Variants in ROBO2 observed in about 807,000 individuals in gnomAD.
ROBO2 encodes the protein roundabout homolog 2.
In ROBO2, 53 loss-of-function variants were observed where a neutral mutation model predicts 160.8. The ratio of observed to expected loss-of-function variants is 0.33; its 90% CI spans 0.26 to 0.41. ROBO2 has a LOEUF of 0.41. Among genes scored for constraint, ROBO2 ranks in the 10% least tolerant of loss-of-function variants. The pLI, the probability that ROBO2 is intolerant of heterozygous loss-of-function variation, is 1.00. For missense variants in ROBO2, 1,577 were observed against 1,722.4 expected (o/e 0.92, Z 1.49); for synonymous variants, 664 against 611.7 (o/e 1.09, Z -1.26).
intron 2 of ROBO2, among the ~76,000 whole-genome samples, chr3:77,211,475 C>A (rs2084147406): frequency 6.6e-6 from 1 of 152,150 alleles, no homozygotes; most frequent in Admixed American, 6.6e-5. Context: ...ATTGTAGATT[C>A]TGGATATTAG....
intron 5 of ROBO2, among the ~76,000 whole-genome samples, chr3:77,510,523 C>T (rs1425453126): frequency 6.6e-6 from 1 of 151,956 alleles, no homozygotes; most frequent in Non-Finnish European, 1.5e-5. Flanking sequence ...AATAATATCA[C>T]TGGAGGAGGT....
chr3:77,183,560 C>A (rs2150871531), intron 2 of ROBO2, among the ~76,000 whole-genome samples: 1 of 152,066 alleles, frequency 6.6e-6, no homozygotes, highest in Non-Finnish European at 1.5e-5. Context: ...GGGCAGAGGC[C>A]TTAGAAAGAA....
intron 2 of ROBO2, among the ~76,000 whole-genome samples, chr3:76,933,350 G>C (rs1290304097): frequency 6.6e-6 from 1 of 152,050 alleles, no homozygotes; most frequent in African/African-American, 2.4e-5. Context: ...AATTACTTCA[G>C]CAAATTTTTA....
chr3:75,913,242 C>T (rs1460187305), intron 1 of ROBO2, among the ~76,000 whole-genome samples: 2 of 152,184 alleles, frequency 1.3e-5, no homozygotes, highest in Non-Finnish European at 2.9e-5. Flanking sequence ...CATCTAAGGA[C>T]TCCTGTGATT....
chr3:77,068,774 G>T (rs4629376), intron 1 of ROBO2, among the ~76,000 whole-genome samples: 1 of 151,984 alleles, frequency 6.6e-6, no homozygotes, highest in African/African-American at 2.4e-5. Context: ...GCCCACTTCC[G>T]CAGGCTAGTA....
intron 2 of ROBO2, chr3:77,317,449 CT>C: frequency 6.6e-7 from 1 of 1,518,918 alleles, no homozygotes. Flanking sequence ...CTGCCCGTCA[CT>C]TTGGTGGTCT....
intron 2 of ROBO2, among the ~76,000 whole-genome samples, chr3:76,969,621 G>C (rs1258114450): frequency 6.6e-6 from 1 of 152,088 alleles, no homozygotes; most frequent in Non-Finnish European, 1.5e-5. Context: ...CCACATGCTG[G>C]TTTTCTCTCT....
rs574161070 is a variant in ROBO2, at chr3:76,736,956, A to C, written c.110-361058A>C. Among the ~76,000 whole-genome samples the C allele has an allele frequency of 9.8e-4, 149 of 152,328 alleles. 1 individual carries two copies. The South Asian group carries it at 0.015, about 16-fold the overall frequency. ...AATGATAATATTTCATTGTTACAGC[A>C]TACTCTATCCTGCTTTTATGTGCAT... On this transcript the variant is annotated intron_variant, in intron 2 of 26. Transcript: ENST00000487694.
intron 2 of ROBO2, among the ~76,000 whole-genome samples, chr3:77,157,582 C>T (rs970034566): frequency 3.3e-5 from 5 of 152,038 alleles, no homozygotes; most frequent in African/African-American, 1.2e-4. Flanking sequence ...CTGTTGGAGT[C>T]CATGGGGTGA....
chr3:76,946,583 G>A (rs1273531857), intron 2 of ROBO2, among the ~76,000 whole-genome samples: 2 of 151,924 alleles, frequency 1.3e-5, no homozygotes, highest in Non-Finnish European at 2.9e-5. Context: ...GATTACAGGC[G>A]CCCACCACGG....
intron 2 of ROBO2, among the ~76,000 whole-genome samples, chr3:77,033,085 G>T (rs569691038): frequency 5.9e-5 from 9 of 152,302 alleles, no homozygotes; most frequent in Non-Finnish European, 1.0e-4. Context: ...ACTACCTTGT[G>T]AGTAGGCACT....
At chr3:76,498,102 T>C (rs1445421825) in intron 2 of ROBO2, among the ~76,000 whole-genome samples, 2 of 152,238 alleles carry the variant, frequency 1.3e-5, no homozygotes, top group Non-Finnish European at 2.9e-5. Flanking sequence ...ATGTTCAGTG[T>C]TGTAATTCTA....
intron 2 of ROBO2, among the ~76,000 whole-genome samples, chr3:77,383,972 C>T (rs2073832967): frequency 6.6e-6 from 1 of 152,082 alleles, no homozygotes; most frequent in Non-Finnish European, 1.5e-5. Flanking sequence ...TAAATGAGTT[C>T]TATCAAACAT....
At chr3:77,359,241 G>A (rs1055715736) in intron 2 of ROBO2, among the ~76,000 whole-genome samples, 1 of 152,206 alleles carries the variant, frequency 6.6e-6, no homozygotes, top group African/African-American at 2.4e-5. Flanking sequence ...AATCTGCCTA[G>A]GCAGGCAGGG....
chr3:77,166,065 C>T (rs982056242), intron 2 of ROBO2, among the ~76,000 whole-genome samples: 1 of 151,928 alleles, frequency 6.6e-6, no homozygotes, highest in African/African-American at 2.4e-5. Flanking sequence ...TATCTCCAGC[C>T]GGATCAACAT....
chr3:77,437,753 A>C (rs2079449961), intron 2 of ROBO2, among the ~76,000 whole-genome samples: 1 of 151,912 alleles, frequency 6.6e-6, no homozygotes, highest in South Asian at 2.1e-4. Context: ...TTACCTACTT[A>C]CTCAAAACTC....
intron 2 of ROBO2, among the ~76,000 whole-genome samples, chr3:76,020,954 A>G (rs1045752000): frequency 3.9e-5 from 6 of 151,998 alleles, no homozygotes; most frequent in South Asian, 2.1e-4. Context: ...AATAATTCCT[A>G]TATACCTTGC....
At chr3:77,632,643 C>T (rs1276916985) in intron 23 of ROBO2, 17 of 1,534,782 alleles carry the variant, frequency 1.1e-5, no homozygotes, top group Non-Finnish European at 1.5e-5. Context: ...ATGGAACCAG[C>T]CTTACAAGAA....
chr3:76,830,704 C>T (rs534262317), intron 2 of ROBO2, among the ~76,000 whole-genome samples: 4 of 150,834 alleles, frequency 2.7e-5, no homozygotes, highest in South Asian at 2.1e-4. Context: ...GGGCTGGGCA[C>T]GGTGGCTCAC....
Sources: allele counts gnomAD v4.1 joint callset (sites outside exome capture counted in the v4.1 genomes callset), GRCh38; gene constraint gnomAD v4.1.1; transcripts MANE v1.5; gene names NCBI Gene and HGNC (gene_info 2026-07-23, HGNC 2026-07-21).